SLC66A3: variants seen among roughly 807,000 people sequenced by gnomAD.
SLC66A3 encodes the protein solute carrier family 66 member 3.
In SLC66A3, 23 loss-of-function variants were observed where a neutral mutation model predicts 25.5. The ratio of observed to expected loss-of-function variants is 0.90; its 90% CI spans 0.65 to 1.28. SLC66A3 has a LOEUF of 1.28. Among genes scored for constraint, SLC66A3 ranks in the 50% most tolerant of loss-of-function variants. The pLI is 0.00. For synonymous variants in SLC66A3, 108 were observed against 112.6 expected (o/e 0.96, Z 0.26); for missense variants, 246 against 262.1 (o/e 0.94, Z 0.42).
intron 3 of SLC66A3, 142 bp downstream of exon 3, chr2:11,160,836 G>T: frequency 1.5e-6 from 2 of 1,334,264 alleles, no homozygotes; most frequent in East Asian, 2.5e-5. Flanking sequence ...AAATGCAAAC[G>T]TGTCCATGTA....
In SLC66A3 at chr2:11,155,614, C is replaced by A; in HGVS notation, c.68C>A (p.Pro23Gln). ...TLGVCAALKL[P>Q]QISAVLAARS... is the part of the protein sequence containing the mutation. ...GGCGTGTGCGCCGCGCTGAAGCTGC[C>A]GCAGATCTCCGCTGTGCTAGCGGCG... Residue 23 changes from proline to glutamine, a missense_variant, in exon 1 of 7, where the codon CCG becomes CAG. Transcript: ENST00000295083. 4 of 1,526,620 alleles carry A rather than the reference C, an allele frequency of 2.6e-6. No individual in the cohort carries two copies. The highest frequency in any genetic ancestry group is 3.5e-6 in the Non-Finnish European group (4 of 1,147,714). The allele number at this position is 1,526,620 out of a possible 1,614,324, so 94.6% of individuals were successfully genotyped here. A position where few individuals can be genotyped will look rare whatever the true frequency, so the allele number is the denominator to read the frequency against.
chr2:11,165,763 C>T (rs552365579), intron 4 of SLC66A3, among the ~76,000 whole-genome samples: 77 of 152,304 alleles, frequency 5.1e-4, no homozygotes, highest in African/African-American at 1.6e-3. Context: ...TCTGCAATCC[C>T]GGCACCTCGG....
At chr2:11,158,553 T>G (rs1661990474) in intron 1 of SLC66A3, among the ~76,000 whole-genome samples, 1 of 152,206 alleles carries the variant, frequency 6.6e-6, no homozygotes, top group Non-Finnish European at 1.5e-5. Context: ...TCCCAGCTAC[T>G]TGGGAGTCTG....
chr2:11,165,663 G>T (rs1662309364), intron 4 of SLC66A3, among the ~76,000 whole-genome samples: 1 of 152,206 alleles, frequency 6.6e-6, no homozygotes, highest in Non-Finnish European at 1.5e-5. Context: ...GCCAAGGCAG[G>T]CGGCTGGGAG....
intron 1 of SLC66A3, among the ~76,000 whole-genome samples, chr2:11,157,929 A>G (rs1661966416): frequency 6.6e-6 from 1 of 151,958 alleles, no homozygotes; most frequent in Admixed American, 6.6e-5. Flanking sequence ...CACAAGATTC[A>G]TCCAACCTGC....
In SLC66A3 at chr2:11,155,567, G is replaced by T; in HGVS notation, c.21G>T (p.Gly7=). MEAALL[G]LCNWSTLGVC... ...GCGCTATGGAGGCGGCGCTGCTGGG[G>T]CTGTGTAACTGGAGCACGCTGGGCG... Residue 7 remains glycine (G), a synonymous_variant, in exon 1 of 7, where the codon GGG becomes GGT. Transcript: ENST00000295083. The T allele has an allele frequency of 2.6e-6, 4 of 1,510,876 alleles. No homozygotes were observed. The highest frequency in any genetic ancestry group is 2.9e-5 in the African/African-American group (2 of 69,712). The allele number at this position is 1,510,876 out of a possible 1,614,324, so 93.6% of individuals were successfully genotyped here.
At chr2:11,172,690 C>T in intron 5 of SLC66A3, 1 of 396,000 alleles carries the variant, frequency 2.5e-6, no homozygotes, top group Non-Finnish European at 5.2e-6. Context: ...TTATATTCAA[C>T]AAGTTACTTG....
intron 4 of SLC66A3, among the ~76,000 whole-genome samples, chr2:11,165,528 C>T (rs1293358454): frequency 6.6e-6 from 1 of 151,184 alleles, no homozygotes; most frequent in Non-Finnish European, 1.5e-5. Flanking sequence ...CCTCACTTCC[C>T]AGACTGGGCA....
intron 6 of SLC66A3, among the ~76,000 whole-genome samples, chr2:11,177,151 G>T (rs923800131): frequency 6.6e-6 from 1 of 152,018 alleles, no homozygotes; most frequent in Non-Finnish European, 1.5e-5. Context: ...TGAGTAAAGG[G>T]ATTTTTAAAA....
chr2:11,173,914 T>TCA, intron 5 of SLC66A3, among the ~76,000 whole-genome samples: 1 of 152,340 alleles, frequency 6.6e-6, no homozygotes, highest in African/African-American at 2.4e-5. Flanking sequence ...TCAGTCTGTT[T>TCA]ATCTATAAAA....
At chr2:11,156,649 G>A (rs1326917506) in intron 1 of SLC66A3, among the ~76,000 whole-genome samples, 1 of 152,154 alleles carries the variant, frequency 6.6e-6, no homozygotes, top group Non-Finnish European at 1.5e-5. Context: ...CCCCGCGCCG[G>A]CCCTATGGAG....
In SLC66A3 at chr2:11,178,045, G is replaced by T; in HGVS notation, c.*217G>T. On this transcript the variant is annotated 3_prime_UTR_variant, in exon 7 of 7. Transcript: ENST00000295083. ...CCTCACTTCGTTAGGTTATGGTAGT[G>T]CTCAGACATCTGCAGTGTTGAGGCC... 1 of 481,714 alleles carries T rather than the reference G, an allele frequency of 2.1e-6. No individual in the cohort carries two copies. The highest frequency in any genetic ancestry group is 3.7e-6 in the Non-Finnish European group (1 of 273,060). 29.8% of individuals were successfully genotyped at this position (481,714 alleles called of 1,614,324 possible).
In SLC66A3 at chr2:11,171,775, A is replaced by G. The variant is rs1167947960; in HGVS notation, c.355-150A>G. 7 of 684,024 alleles carry G rather than the reference A, an allele frequency of 1.0e-5. No individual in the cohort carries two copies. In the African/African-American group the frequency reaches 1.1e-4, roughly 11 times the overall value. 42.4% of individuals were successfully genotyped at this position (684,024 alleles called of 1,614,324 possible). ...AGTAGAGACGGTGTTTCACCGTGCTAGCCAGGATGGTCTCGATCTCCTGAC... is the reference window on the plus strand; with the variant it reads ...AGTAGAGACGGTGTTTCACCGTGCTGGCCAGGATGGTCTCGATCTCCTGAC... On this transcript the variant is annotated intron_variant, in intron 4 of 6. Transcript: ENST00000295083.
Position 11,177,760 on chromosome 2 carries a change from C to G in SLC66A3, c.541C>G (p.Leu181Val), listed in dbSNP as rs778296065. Residue 181 changes from leucine (L) to valine (V), a missense_variant, in exon 7 of 7, where the codon CTG becomes GTG. This residue lies in a region of SLC66A3 where 93 missense variants were observed against 102.6 expected (regional missense o/e 0.91). Coordinates refer to ENST00000295083, the MANE Select transcript of SLC66A3 (RefSeq NM_152391.5). ...FTILLRFVIMLALNIWVTVTV... is the reference protein window; with the variant it reads ...FTILLRFVIMVALNIWVTVTV... The stretch of plus-strand genomic sequence containing the variant: ...AGTTCTTCTACGTTTTGTGATCATG[C>G]TGGCTTTAAATATATGGGTAACAGT... 3 of 1,609,902 alleles carry G rather than the reference C, an allele frequency of 1.9e-6. No individual in the cohort carries two copies. In the Admixed American group the frequency reaches 5.0e-5, roughly 27 times the overall value.
intron 6 of SLC66A3, among the ~76,000 whole-genome samples, chr2:11,177,311 A>G (rs13013760): frequency 0.027 from 4,045 of 152,164 alleles, 88 homozygotes; most frequent in Middle Eastern, 0.054. Flanking sequence ...AATACAAAAA[A>G]TAGCCAGGCG....
At chr2:11,160,425 T>G in intron 1 of SLC66A3, 41 bp from the exon 2 acceptor site, 3 of 1,584,358 alleles carry the variant, frequency 1.9e-6, no homozygotes, top group Non-Finnish European at 2.6e-6. Flanking sequence ...GACAGCTGCG[T>G]TTTGGGGCAG....
intron 3 of SLC66A3, among the ~76,000 whole-genome samples, chr2:11,162,751 C>T (rs762750674): frequency 1.6e-4 from 25 of 152,218 alleles, no homozygotes; most frequent in Non-Finnish European, 3.1e-4. Context: ...GGACTACAGG[C>T]GCCCACCACC....
chr2:11,164,327 T>TTATATATACATA (rs1553289087), intron 4 of SLC66A3, 66 bp downstream of exon 4: 5 of 176,126 alleles, frequency 2.8e-5, no homozygotes, highest in East Asian at 2.6e-4. Flanking sequence ...TGATAGATAT[T>TTATATATACATA]TATATATATA....
chr2:11,158,882 C>T (rs540889222), intron 1 of SLC66A3, among the ~76,000 whole-genome samples: 27 of 152,336 alleles, frequency 1.8e-4, no homozygotes, highest in African/African-American at 6.0e-4. Context: ...CCCCAGGCTG[C>T]AGGGATGGGG....
Sources: gnomAD v4.1 joint callset for allele counts (sites outside exome capture counted in the v4.1 genomes callset) on GRCh38, gnomAD v4.1.1 for gene constraint, gnomAD v4.1.1 regional missense constraint, MANE v1.5 for transcripts, NCBI Gene and HGNC (gene_info 2026-07-23, HGNC 2026-07-21) for gene names.